The following CFAP46 variants were observed in gnomAD, a reference collection of about 807,000 sequenced individuals.
CFAP46 encodes cilia and flagella associated protein 46.
A neutral mutation model predicts 325.7 loss-of-function variants in CFAP46; 245 were observed. That is an observed-to-expected ratio of 0.75 (90% CI 0.68 to 0.84). CFAP46 has a LOEUF of 0.84. Among genes scored for constraint, CFAP46 ranks in the 40% least tolerant of loss-of-function variants. The probability of loss-of-function intolerance (pLI) is 0.00; values close to 1 mark genes in which losing one functional copy is unlikely to be tolerated. For synonymous variants in CFAP46, 1,523 were observed against 1,495.9 expected (o/e 1.02, Z -0.42); for missense variants, 3,346 against 3,543.0 (o/e 0.94, Z 1.41).
At position 132,942,030 on chromosome 10, in the gene CFAP46, C is replaced by T; in HGVS notation, c.124G>A (p.Glu42Lys). The change falls in exon 2 of 58, where the codon GAG becomes AAG. Residue 42 changes from glutamate to lysine, a missense_variant. By Grantham distance (56) the Glu-to-Lys change is moderately conservative (BLOSUM62 1). Coordinates refer to ENST00000368586, the MANE Select transcript of CFAP46 (RefSeq NM_001200049.3). Reference protein sequence around the residue: ...NLGKSEFDPSESFSPDLFVLC... With the variant: ...NLGKSEFDPSKSFSPDLFVLC... ...ACAAACAGGTCTGGGCTGAAGCTCT[C>T]TGAGGGGTCAAACTCCGATTTCCCT... is the stretch of plus-strand genomic sequence containing the variant. The T allele has an allele frequency of 1.3e-6, 2 of 1,551,796 alleles. No individual in the cohort carries two copies. Among genetic ancestry groups the T allele is most frequent in the Non-Finnish European group, 1.7e-6 (2 of 1,146,946 alleles).
chr10:132,861,488 C>T (rs1012665955), intron 35 of CFAP46, among the ~76,000 whole-genome samples: 2 of 152,216 alleles, frequency 1.3e-5, no homozygotes, highest in Non-Finnish European at 2.9e-5. Flanking sequence ...TTAGGGGCTC[C>T]CGCTTGGGGC....
intron 39 of CFAP46, among the ~76,000 whole-genome samples, chr10:132,851,651 A>G (rs939911547): frequency 7.9e-5 from 12 of 152,218 alleles, no homozygotes; most frequent in African/African-American, 2.9e-4. Context: ...TTTCCTCGGT[A>G]AAGTCACCGT....
Position 132,877,346 on chromosome 10 carries a change from G to A in CFAP46, c.4213-385C>T, listed in dbSNP as rs1300674453. Among the ~76,000 whole-genome samples the A allele has an allele frequency of 6.6e-6, 1 of 152,184 alleles. No individual in the cohort carries two copies. The highest frequency in any genetic ancestry group is 1.5e-5 in the Non-Finnish European group (1 of 68,036). On this transcript the variant is annotated intron_variant, in intron 30 of 57. Transcript: ENST00000368586. This position sits in a 1 kb window ranked among gnomAD's most constrained non-coding sequence, Gnocchi z 5.7. ...AGTGCTCGTGCCGGGGTCCAGGTGT[G>A]AGCGTCCTGCTCTGGGGAGCTGGGC...
At chr10:132,899,476 A>T (rs985971282) in intron 23 of CFAP46, 59 bp downstream of exon 23, 6 of 1,485,898 alleles carry the variant, frequency 4.0e-6, no homozygotes, top group Non-Finnish European at 5.4e-6. Context: ...TGGTGAGCAC[A>T]GGGGTCCCGC....
At chr10:132,834,813 G>C (rs370607129) in intron 47 of CFAP46, 38 bp from the exon 48 acceptor site, 67 of 1,599,734 alleles carry the variant, frequency 4.2e-5, no homozygotes, top group Non-Finnish European at 5.1e-5. Flanking sequence ...GTAGCAAACA[G>C]GGCGCATGGC....
chr10:132,850,414 G>A lies in CFAP46; in HGVS notation c.5782C>T (p.Arg1928Trp), dbSNP rs762437213. 13 of 1,571,376 alleles carry A rather than the reference G, an allele frequency of 8.3e-6. No individual in the cohort carries two copies. Among genetic ancestry groups the A allele is most frequent in the South Asian group, 5.8e-5 (5 of 85,914 alleles). The change falls in exon 41 of 58, where the codon CGG becomes TGG. Residue 1928 changes from arginine to tryptophan, a missense_variant. Physicochemically the swap from Arg to Trp is moderately radical, Grantham distance 101. Transcript: ENST00000368586. ...SVGLQWFTLKRTLAHGALAQL... is the reference protein window; with the variant it reads ...SVGLQWFTLKWTLAHGALAQL... ...GCCAGTGCCCCGTGTGCTAGAGTCCGCTTCAGCGTGAACCATTGCTTCGAA... is the reference window on the plus strand; with the variant it reads ...GCCAGTGCCCCGTGTGCTAGAGTCCACTTCAGCGTGAACCATTGCTTCGAA...
intron 44 of CFAP46, among the ~76,000 whole-genome samples, chr10:132,839,479 G>A (rs571165073): frequency 5.3e-5 from 8 of 152,292 alleles, no homozygotes; most frequent in South Asian, 4.1e-4. Flanking sequence ...AACAGCACCC[G>A]AGTTCTTCAG....
intron 19 of CFAP46, among the ~76,000 whole-genome samples, chr10:132,911,168 TCCCCGGAGCCGG>T (rs1849535643): frequency 6.6e-6 from 1 of 151,958 alleles, no homozygotes; most frequent in African/African-American, 2.4e-5. Flanking sequence ...TCCCTGTAGG[TCCCCGGAGCCGG>T]CCCCTTGTCC....
rs1226692711 is a variant in CFAP46, at chr10:132,834,145, C to T, written c.6867-22G>A. 8.7e-6 allele frequency: 14 copies of T among 1,611,876 alleles called. No homozygotes were observed. The Admixed American group carries it at 1.2e-4, about 13-fold the overall frequency. On this transcript the variant is annotated intron_variant, in intron 48 of 57. Transcript: ENST00000368586. ...CACTCTGAAAGTCAGGTTATATATT[C>T]GGGTTTAAGAAACAGAGATAACAAA...
intron 10 of CFAP46, among the ~76,000 whole-genome samples, chr10:132,926,042 A>G (rs1158347250): frequency 6.6e-6 from 1 of 152,220 alleles, no homozygotes; most frequent in South Asian, 2.1e-4. Context: ...AGAGTCTAAA[A>G]GGATTCCTAG....
intron 44 of CFAP46, among the ~76,000 whole-genome samples, chr10:132,841,537 T>A (rs1203855521): frequency 1.3e-5 from 2 of 152,194 alleles, no homozygotes; most frequent in Non-Finnish European, 2.9e-5. Flanking sequence ...GGGGTCCTGT[T>A]CCCGTGGCTT....
intron 44 of CFAP46, among the ~76,000 whole-genome samples, chr10:132,845,773 T>C (rs1006600735): frequency 2.6e-5 from 4 of 152,144 alleles, no homozygotes; most frequent in Non-Finnish European, 5.9e-5. Context: ...GCCCATCTGC[T>C]GGTCAGCTCT....
chr10:132,829,140 T>C (rs1406367061), intron 50 of CFAP46, among the ~76,000 whole-genome samples: 2 of 151,284 alleles, frequency 1.3e-5, no homozygotes, highest in Non-Finnish European at 2.9e-5. Flanking sequence ...GTGGAATCTA[T>C]AGATCACCTT....
At position 132,919,212 on chromosome 10, in the gene CFAP46, T is replaced by C. The variant is rs1350395335; in HGVS notation, c.1858+103A>G. The C allele has an allele frequency of 1.3e-5, 16 of 1,243,880 alleles. No individual in the cohort carries two copies. Among genetic ancestry groups the C allele is most frequent in the Non-Finnish European group, 1.7e-5 (16 of 925,936 alleles). 77.1% of individuals were successfully genotyped at this position (1,243,880 alleles called of 1,614,324 possible). On this transcript the variant is annotated intron_variant, in intron 15 of 57. Coordinates refer to ENST00000368586, the MANE Select transcript of CFAP46 (RefSeq NM_001200049.3). This position sits in a 1 kb window ranked among gnomAD's most constrained non-coding sequence, Gnocchi z 9.7. ...TGTGACTTAGCAATACGCTTTCTCATGCGAAGGCCCCATGGGTTGTCATTG... is the reference window on the plus strand; with the variant it reads ...TGTGACTTAGCAATACGCTTTCTCACGCGAAGGCCCCATGGGTTGTCATTG...
intron 50 of CFAP46, among the ~76,000 whole-genome samples, chr10:132,821,672 GTGTGTGCTGATGTGTGC>G (rs1164719741): frequency 6.4e-5 from 9 of 141,390 alleles, no homozygotes; most frequent in African/African-American, 2.5e-4. Flanking sequence ...TGTGTGTGCT[GTGTGTGCTGATGTGTGC>G]TGTGTGCTGA....
At chr10:132,934,351 G>T (rs997291216) in intron 8 of CFAP46, among the ~76,000 whole-genome samples, 1 of 136,214 alleles carries the variant, frequency 7.3e-6, no homozygotes, top group Non-Finnish European at 1.5e-5. Flanking sequence ...CAGGATACCA[G>T]CCCAGGACTT....
chr10:132,831,092 T>C (rs1848139524), intron 50 of CFAP46, among the ~76,000 whole-genome samples: 1 of 152,202 alleles, frequency 6.6e-6, no homozygotes, highest in Non-Finnish European at 1.5e-5. Context: ...TTTCCAGGCA[T>C]GGTTTCTGTT....
chr10:132,861,886 C>T (rs1405965327), intron 35 of CFAP46, among the ~76,000 whole-genome samples: 6 of 152,200 alleles, frequency 3.9e-5, no homozygotes, highest in Non-Finnish European at 7.4e-5. Context: ...TGGGGCTACC[C>T]GCCGCCAGAG....
intron 28 of CFAP46, among the ~76,000 whole-genome samples, 161 bp from the exon 29 acceptor site, chr10:132,879,792 G>A (rs1045402690): frequency 2.0e-5 from 3 of 152,172 alleles, no homozygotes; most frequent in South Asian, 4.1e-4. Flanking sequence ...GAAGAGTCAC[G>A]TGTTGTACTT....
Sources: allele counts gnomAD v4.1 joint callset (sites outside exome capture counted in the v4.1 genomes callset), GRCh38; gene constraint gnomAD v4.1.1; non-coding constraint Gnocchi (gnomAD v3.1); transcripts MANE v1.5; gene names NCBI Gene and HGNC (gene_info 2026-07-23, HGNC 2026-07-21).